Variants in DPP4 observed in about 807,000 individuals in gnomAD.
DPP4 encodes dipeptidyl peptidase 4, also known as ADCP-2.
A neutral mutation model predicts 122.4 loss-of-function variants in DPP4; 93 were observed. The ratio of observed to expected loss-of-function variants is 0.76; its 90% CI spans 0.64 to 0.90. DPP4 has a LOEUF of 0.90. DPP4 is among the 40% of genes least tolerant of loss of function. The pLI, the probability that DPP4 is intolerant of heterozygous loss-of-function variation, is 0.00. For synonymous variants in DPP4, 321 were observed against 302.9 expected, an observed-to-expected ratio of 1.06 and a Z score of -0.62; for missense variants, 914 against 907.3, an observed-to-expected ratio of 1.01 and a Z score of -0.09.
chr2:162,022,976 C>T (rs1316944607), intron 11 of DPP4, among the ~76,000 whole-genome samples, 177 bp from the exon 12 acceptor site: 1 of 152,202 alleles, frequency 6.6e-6, no homozygotes, highest in Non-Finnish European at 1.5e-5. Context: ...ATTTGACTCT[C>T]TTGCCTAAAG....
chr2:162,022,619 T>C, intron 12 of DPP4, 136 bp downstream of exon 12: 1 of 799,690 alleles, frequency 1.3e-6, no homozygotes, highest in Non-Finnish European at 2.1e-6. Context: ...TAGGGAGCAT[T>C]TACATATTTT....
chr2:162,027,637 C>T (rs369313733), intron 10 of DPP4, among the ~76,000 whole-genome samples: 35 of 152,112 alleles, frequency 2.3e-4, no homozygotes, highest in African/African-American at 7.0e-4. Flanking sequence ...TCTGGTAGAG[C>T]GAAGGGGTAT....
chr2:162,041,332 T>C (rs1683979583), intron 5 of DPP4, among the ~76,000 whole-genome samples: 1 of 152,154 alleles, frequency 6.6e-6, no homozygotes, highest in South Asian at 2.1e-4. Flanking sequence ...TTTGGATGCC[T>C]GGAGTCTATT....
At chr2:162,037,467 C>T (rs749193002) in intron 8 of DPP4, among the ~76,000 whole-genome samples, 1 of 152,058 alleles carries the variant, frequency 6.6e-6, no homozygotes, top group African/African-American at 2.4e-5. Context: ...TATAATGAGT[C>T]AACTAAACTT....
At position 162,018,710 on chromosome 2, in the gene DPP4, C is replaced by T; in HGVS notation, c.1420+19G>A. On this transcript the variant is annotated intron_variant, in intron 16 of 25. Transcript: ENST00000360534. ...GTAACAGCGGCGACTGCCCTCCCTC[C>T]CAGGGAGCTCAGACTTACCGGAACA... 6.2e-7 allele frequency: 1 copy of T among 1,611,482 alleles called. No individual in the cohort carries two copies. The highest frequency in any genetic ancestry group is 2.2e-5 in the East Asian group (1 of 44,852).
At chr2:161,994,770 A>C (rs1700956167) in intron 25 of DPP4, among the ~76,000 whole-genome samples, 191 bp downstream of exon 25, 1 of 151,840 alleles carries the variant, frequency 6.6e-6, no homozygotes, top group African/African-American at 2.4e-5. Flanking sequence ...TTAACCCCAA[A>C]CTCGCTAATA....
At chr2:162,061,457 G>A (rs550955161) in intron 2 of DPP4, among the ~76,000 whole-genome samples, 2 of 151,992 alleles carry the variant, frequency 1.3e-5, no homozygotes, top group East Asian at 3.9e-4. Flanking sequence ...TTTATTTTCT[G>A]TACCACATAT....
At chr2:162,025,001 T>G (rs1442484599) in intron 10 of DPP4, 62 bp from the exon 11 acceptor site, 10 of 1,571,780 alleles carry the variant, frequency 6.4e-6, no homozygotes, top group Non-Finnish European at 7.8e-6. Flanking sequence ...TGCCAGACCT[T>G]GGTACAAATA....
intron 2 of DPP4, among the ~76,000 whole-genome samples, chr2:162,055,302 T>C (rs2106145735): frequency 6.6e-6 from 1 of 152,340 alleles, no homozygotes; most frequent in East Asian, 1.9e-4. Context: ...TTGGACCTAA[T>C]GGAATTAGAG....
chr2:162,023,186 T>G (rs1463178095), intron 11 of DPP4, among the ~76,000 whole-genome samples: 3 of 152,138 alleles, frequency 2.0e-5, no homozygotes, highest in Non-Finnish European at 4.4e-5. Flanking sequence ...AATCACCTCC[T>G]TCAGCCCCTG....
chr2:162,064,186 A>T (rs1303646749), intron 2 of DPP4, among the ~76,000 whole-genome samples: 35 of 152,242 alleles, frequency 2.3e-4, no homozygotes, highest in Admixed American at 6.5e-5. Flanking sequence ...TGGAGAGGAG[A>T]TACCTGGAAT....
Position 162,045,412 on chromosome 2 carries a change from T to C in DPP4, c.366+120A>G, listed in dbSNP as rs543068660. ...ATGACTCTGATTCTGAATTAATGAG[T>C]TTTAGTGCCTATTACATTACTTAGA... is the stretch of plus-strand genomic sequence containing the variant. On this transcript the variant is annotated intron_variant, in intron 5 of 25. Transcript: ENST00000360534. 5.3e-5 allele frequency: 38 copies of C among 710,666 alleles called. No individual in the cohort carries two copies. The South Asian group carries it at 6.0e-4, about 11-fold the overall frequency. The allele number at this position is 710,666 out of a possible 1,614,324, so 44.0% of individuals were successfully genotyped here. A position where few individuals can be genotyped will look rare whatever the true frequency, so the allele number is the denominator to read the frequency against.
chr2:161,999,709 G>C (rs1465936422), intron 23 of DPP4, among the ~76,000 whole-genome samples: 1 of 152,182 alleles, frequency 6.6e-6, no homozygotes, highest in Non-Finnish European at 1.5e-5. Flanking sequence ...AAAAGAGAGA[G>C]CTGATAAGAG....
chr2:161,995,035 C>T lies in DPP4; in HGVS notation c.2126-1G>A, dbSNP rs758639075. On this transcript the variant is annotated splice_acceptor_variant, in intron 24 of 25. Transcript: ENST00000360534. LOFTEE classifies it high-confidence loss of function. Reference sequence around the variant, plus strand: ...GCTGACTGCTGAAAGTGAACGTTATCTGCAGGGAGAGAAAGGAAACATAAA... The same window carrying T: ...GCTGACTGCTGAAAGTGAACGTTATTTGCAGGGAGAGAAAGGAAACATAAA... 1.2e-6 allele frequency: 2 copies of T among 1,613,968 alleles called. No homozygotes were observed. The highest frequency in any genetic ancestry group is 8.5e-7 in the Non-Finnish European group (1 of 1,179,956).
At chr2:162,011,186 T>C (rs1240290618) in intron 20 of DPP4, among the ~76,000 whole-genome samples, 1 of 152,158 alleles carries the variant, frequency 6.6e-6, no homozygotes, top group Non-Finnish European at 1.5e-5. Context: ...TGTTAACATC[T>C]CTTGAGCCAG....
intron 12 of DPP4, among the ~76,000 whole-genome samples, chr2:162,021,961 T>A (rs558289021): frequency 1.3e-5 from 2 of 152,280 alleles, no homozygotes; most frequent in South Asian, 2.1e-4. Flanking sequence ...CTTCTTGGAC[T>A]GGGGACCTCA....
chr2:162,003,935 T>C (rs1260751341), intron 23 of DPP4, among the ~76,000 whole-genome samples: 1 of 151,990 alleles, frequency 6.6e-6, no homozygotes, highest in East Asian at 1.9e-4. Context: ...GATTCAGAGA[T>C]ATACAAGGAA....
intron 13 of DPP4, 134 bp from the exon 14 acceptor site, chr2:162,020,430 C>G: frequency 9.9e-7 from 1 of 1,005,364 alleles, no homozygotes. Context: ...TTCCCCACCT[C>G]GTTCCACATG....
intron 2 of DPP4, among the ~76,000 whole-genome samples, chr2:162,063,008 G>GGCA (rs1247763877): frequency 6.6e-6 from 1 of 151,840 alleles, no homozygotes; most frequent in Non-Finnish European, 1.5e-5. Context: ...GAGAGATGTT[G>GGCA]GCAATAATTT....
Sources: allele counts gnomAD v4.1 joint callset (sites outside exome capture counted in the v4.1 genomes callset), GRCh38; gene constraint gnomAD v4.1.1; transcripts MANE v1.5; gene names NCBI Gene and HGNC (gene_info 2026-07-23, HGNC 2026-07-21).